The following GMEB2 variants were observed in gnomAD, a reference collection of about 807,000 sequenced individuals.
GMEB2 encodes glucocorticoid modulatory element-binding protein 2.
A neutral mutation model predicts 45.7 loss-of-function variants in GMEB2; 7 were observed. The ratio of observed to expected loss-of-function variants is 0.15; its 90% CI spans 0.09 to 0.29. GMEB2 has a LOEUF of 0.29. Among genes scored for constraint, GMEB2 ranks in the 10% least tolerant of loss-of-function variants. GMEB2 has a pLI of 1.00. For missense variants in GMEB2, 582 were observed against 739.2 expected, an observed-to-expected ratio of 0.79 and a Z score of 2.47; for synonymous variants, 322 against 323.6, an observed-to-expected ratio of 1.00 and a Z score of 0.05.
At chr20:63,603,343 G>A (rs2083254870) in intron 3 of GMEB2, among the ~76,000 whole-genome samples, 1 of 152,172 alleles carries the variant, frequency 6.6e-6, no homozygotes, top group Non-Finnish European at 1.5e-5. Flanking sequence ...TGGTTCAACT[G>A]AAGACCCACT....
intron 1 of GMEB2, 143 bp downstream of exon 1, chr20:63,626,813 G>A (rs969947599): frequency 3.4e-5 from 5 of 146,464 alleles, no homozygotes; most frequent in African/African-American, 1.2e-4. Context: ...GCCGCCGCCC[G>A]CGCGGCCGCC....
intron 4 of GMEB2, among the ~76,000 whole-genome samples, chr20:63,601,621 G>C (rs901882504): frequency 6.6e-6 from 1 of 151,372 alleles, no homozygotes; most frequent in African/African-American, 2.4e-5. Context: ...CAATCCTCCT[G>C]CCTCGGCCTC....
intron 2 of GMEB2, among the ~76,000 whole-genome samples, chr20:63,607,267 C>A (rs2089528070): frequency 8.5e-6 from 1 of 118,052 alleles, no homozygotes; most frequent in African/African-American, 3.6e-5. Flanking sequence ...GCCCCTCTGA[C>A]CCCACATCCA....
At chr20:63,597,406 C>G (rs914520212) in intron 5 of GMEB2, among the ~76,000 whole-genome samples, 3 of 152,134 alleles carry the variant, frequency 2.0e-5, no homozygotes, top group Non-Finnish European at 4.4e-5. Flanking sequence ...TCAAGTGATC[C>G]TCCTGCCTCA....
At chr20:63,596,839 A>G (rs6090469) in intron 5 of GMEB2, among the ~76,000 whole-genome samples, 73,851 of 151,988 alleles carry the variant, frequency 0.49, 18,860 homozygotes, top group East Asian at 0.8. Context: ...ACAATATGGC[A>G]AAATCCCGTC....
chr20:63,626,472 C>G (rs1242216267), intron 1 of GMEB2, among the ~76,000 whole-genome samples: 1 of 52,506 alleles, frequency 1.9e-5, no homozygotes. Context: ...CGGGTGCCTG[C>G]GGGGTGGTCC....
chr20:63,624,780 T>C (rs1303826473), intron 1 of GMEB2, among the ~76,000 whole-genome samples: 1 of 152,348 alleles, frequency 6.6e-6, no homozygotes, highest in East Asian at 1.9e-4. Context: ...CGATCTCGGC[T>C]CAATGCAAGC....
At chr20:63,597,392 G>A (rs4809310) in intron 5 of GMEB2, among the ~76,000 whole-genome samples, 26,123 of 151,854 alleles carry the variant, frequency 0.17, 3,076 homozygotes, top group East Asian at 0.49. Flanking sequence ...TCAAACTCTT[G>A]GCGTCAAGTG....
At position 63,588,592 on chromosome 20, in the gene GMEB2, G is replaced by A. The variant is rs566398951; in HGVS notation, c.*1497C>T. ...AGCTTGACATGGGTGAGGGCAGCCA[G>A]GACAGGGCCCTGGTGACAATGGCGC... is the stretch of plus-strand genomic sequence containing the variant. On this transcript the variant is annotated 3_prime_UTR_variant, in exon 10 of 10. Transcript: ENST00000370077. 5.0e-5 allele frequency: 20 copies of A among 397,842 alleles called. No homozygotes were observed. In the South Asian group the frequency reaches 2.7e-3, roughly 54 times the overall value. The allele number at this position is 397,842 out of a possible 1,614,324, so 24.6% of individuals were successfully genotyped here.
chr20:63,591,995 G>A (rs935403449), intron 9 of GMEB2, 27 bp downstream of exon 9: 20 of 1,590,650 alleles, frequency 1.3e-5, no homozygotes, highest in Non-Finnish European at 1.6e-5. Context: ...CCGCCCAGGG[G>A]ACGGGACGGG....
intron 6 of GMEB2, among the ~76,000 whole-genome samples, chr20:63,594,469 C>A (rs2146048989): frequency 6.6e-6 from 1 of 152,322 alleles, no homozygotes; most frequent in Middle Eastern, 3.4e-3. Context: ...CAGCACTGAA[C>A]CTGCCAGGCT....
rs753769792 is a variant in GMEB2, at chr20:63,588,498, G to A, written c.*1591C>T. 12 of 371,342 alleles carry A rather than the reference G, an allele frequency of 3.2e-5. No homozygotes were observed. Among genetic ancestry groups the A allele is most frequent in the Non-Finnish European group, 4.8e-5 (10 of 208,902 alleles). The allele number at this position is 371,342 out of a possible 1,614,324, so 23.0% of individuals were successfully genotyped here. On this transcript the variant is annotated 3_prime_UTR_variant, in exon 10 of 10. Transcript: ENST00000370077. ...TACATCAAAAGATCAACATCACGCC[G>A]AAACCAGCTGACTGTGACAACAGCA...
At chr20:63,621,270 A>T (rs1312840571) in intron 1 of GMEB2, among the ~76,000 whole-genome samples, 2 of 152,136 alleles carry the variant, frequency 1.3e-5, no homozygotes, top group East Asian at 3.8e-4. Flanking sequence ...GTTGTTCTTT[A>T]ATGAGTACAG....
chr20:63,620,193 C>T (rs1467314002), intron 1 of GMEB2, among the ~76,000 whole-genome samples: 2 of 152,248 alleles, frequency 1.3e-5, no homozygotes, highest in Non-Finnish European at 2.9e-5. Context: ...GGCACCATGC[C>T]TGGCCTGCCC....
In GMEB2 at chr20:63,618,711, C is replaced by G; in HGVS notation, c.131+556G>C. 3.3e-5 allele frequency among the ~76,000 whole-genome samples: 5 copies of G among 152,208 alleles called. 2 individuals carry two copies. The South Asian group carries it at 1.0e-3, about 32-fold the overall frequency. The stretch of plus-strand genomic sequence containing the variant: ...ATAAGGATGGCAGCCTGGGACTGCC[C>G]GGGGCTGACTCTGCCTTTATTTCAC... On this transcript the variant is annotated intron_variant, in intron 2 of 9. Coordinates refer to ENST00000370077, the MANE Select transcript of GMEB2 (RefSeq NM_012384.5).
At chr20:63,624,009 C>G (rs2146097765) in intron 1 of GMEB2, among the ~76,000 whole-genome samples, 1 of 151,756 alleles carries the variant, frequency 6.6e-6, no homozygotes, top group South Asian at 2.1e-4. Flanking sequence ...ACTCAGGAGG[C>G]TGAAGTGAGA....
At chr20:63,591,223 C>T (rs1265418689) in intron 9 of GMEB2, among the ~76,000 whole-genome samples, 1 of 73,008 alleles carries the variant, frequency 1.4e-5, no homozygotes. Context: ...AAACAGTGAA[C>T]ACACAAAGTG....
chr20:63,592,160 G>T lies in GMEB2; in HGVS notation c.830-16C>A. On this transcript the variant is annotated splice_polypyrimidine_tract_variant and intron_variant, in intron 8 of 9. Transcript: ENST00000370077. The surrounding 1 kb of genome is among the most constrained non-coding windows in gnomAD (Gnocchi z 8.2). ...AGTACAGCATCTTAAAGGGTAACGC[G>T]GACACTCAGTGAGAGCCCAAGCCCT... The T allele has an allele frequency of 6.2e-7, 1 of 1,610,124 alleles. No individual in the cohort carries two copies.
At chr20:63,620,865 G>C (rs1196491096) in intron 1 of GMEB2, among the ~76,000 whole-genome samples, 3 of 152,150 alleles carry the variant, frequency 2.0e-5, no homozygotes, top group African/African-American at 7.2e-5. Flanking sequence ...AGGGTAGTCT[G>C]GTTGATTCTC....
Sources: allele counts gnomAD v4.1 joint callset (sites outside exome capture counted in the v4.1 genomes callset), GRCh38; gene constraint gnomAD v4.1.1; non-coding constraint Gnocchi (gnomAD v3.1); transcripts MANE v1.5; gene names NCBI Gene and HGNC (gene_info 2026-07-23, HGNC 2026-07-21).